Variants in VEZF1 observed in about 807,000 individuals in gnomAD.
VEZF1 encodes vascular endothelial zinc finger 1.
In VEZF1, 5 loss-of-function variants were observed where a neutral mutation model predicts 44.1. The ratio of observed to expected loss-of-function variants is 0.11; its 90% CI spans 0.06 to 0.24. The LOEUF (loss-of-function observed/expected upper bound fraction) is 0.24. Among genes scored for constraint, VEZF1 ranks in the 10% least tolerant of loss-of-function variants. The pLI is 1.00. For synonymous variants in VEZF1, 236 were observed against 233.1 expected, an observed-to-expected ratio of 1.01 and a Z score of -0.11; for missense variants, 358 against 641.8, an observed-to-expected ratio of 0.56 and a Z score of 4.78.
chr17:57,975,009 A>T, intron 5 of VEZF1, 109 bp from the exon 6 acceptor site: 1 of 1,266,762 alleles, frequency 7.9e-7, no homozygotes. Flanking sequence ...TTAATAAATC[A>T]AATTCCAGTT....
rs1163454021 is a variant in VEZF1 at position 57,974,350 on chromosome 17, ACT to A, written c.*121_*122del. 7.8e-6 allele frequency: 9 copies of A among 1,150,878 alleles called. No homozygotes were observed. In the African/African-American group the frequency reaches 1.3e-4, roughly 16 times the overall value. The allele number at this position is 1,150,878 out of a possible 1,614,324, so 71.3% of individuals were successfully genotyped here. On this transcript the variant is annotated 3_prime_UTR_variant, in exon 6 of 6. Transcript: ENST00000581208. ...CCAAATTGGAGAAAAATGCTACCACACTCTTATTAACTAATGTAATAAAATCT... is the reference window on the plus strand; with the variant it reads ...CCAAATTGGAGAAAAATGCTACCACACTTATTAACTAATGTAATAAAATCT...
chr17:57,974,822 G>C lies in VEZF1; in HGVS notation c.1217C>G (p.Ser406Cys), dbSNP rs1435369438. The change falls in exon 6 of 6, where the codon TCT becomes TGT. Residue 406 changes from serine (S) to cysteine (C), a missense_variant. Ser to Cys is a moderately radical substitution (Grantham distance 112). Coordinates refer to ENST00000581208, the MANE Select transcript of VEZF1 (RefSeq NM_007146.3). ...TLTTPFSITS[S>C]VSSGTMSNPV... ...GTTTGACATAGTCCCAGACGACACA[G>C]AGGATGTTATACTGAATGGAGTAGT... 1.9e-6 allele frequency: 3 copies of C among 1,614,218 alleles called. No individual in the cohort carries two copies. Among genetic ancestry groups the C allele is most frequent in the Admixed American group, 1.7e-5 (1 of 60,026 alleles).
In VEZF1 at chr17:57,979,386, C is replaced by T. The variant is rs974574397; in HGVS notation, c.977-73G>A. 8 of 1,586,106 alleles carry T rather than the reference C, an allele frequency of 5.0e-6. No homozygotes were observed. The African/African-American group carries it at 8.1e-5, about 16-fold the overall frequency. On this transcript the variant is annotated intron_variant, in intron 4 of 5. Coordinates refer to ENST00000581208, the MANE Select transcript of VEZF1 (RefSeq NM_007146.3). ...TGCCGTTTTTTTTCAAAATTGACTTCTCATGCTTCTGTGATCTTAACCATT... is the reference window on the plus strand; with the variant it reads ...TGCCGTTTTTTTTCAAAATTGACTTTTCATGCTTCTGTGATCTTAACCATT...
At position 57,972,507 on chromosome 17, in the gene VEZF1, A is replaced by G. The variant is rs1418199082; in HGVS notation, c.*1966T>C. ...CAGTAGTCCACACATAATGCTCTACATATTAAAAACAAACCATTTTTGTAC... is the reference window on the plus strand; with the variant it reads ...CAGTAGTCCACACATAATGCTCTACGTATTAAAAACAAACCATTTTTGTAC... On this transcript the variant is annotated 3_prime_UTR_variant, in exon 6 of 6. Transcript: ENST00000581208. 6.5e-6 allele frequency: 1 copy of G among 152,686 alleles called. No individual in the cohort carries two copies. The allele number at this position is 152,686 out of a possible 1,614,324, so 9.5% of individuals were successfully genotyped here.
In VEZF1 at chr17:57,974,579, T is replaced by C. The variant is rs759270276; in HGVS notation, c.1460A>G (p.Asn487Ser). The C allele has an allele frequency of 6.2e-7, 1 of 1,614,170 alleles. No individual in the cohort carries two copies. The highest frequency in any genetic ancestry group is 1.3e-5 in the African/African-American group (1 of 75,036). ...GGCTAATGTCATAGGTGTGGGTAGA[T>C]TCATTGGAGATGTGATGGTGACAGG... ...AHPVTITSPM[N>S]LPTPMTLAAP... The change falls in exon 6 of 6, where the codon AAT becomes AGT. Residue 487 changes from asparagine (N) to serine (S), a missense_variant. Around this residue, in one of 4 missense-constraint regions of VEZF1, gnomAD observed 171 missense variants for 272.4 expected, o/e 0.63. Transcript: ENST00000581208.
intron 1 of VEZF1, among the ~76,000 whole-genome samples, chr17:57,986,743 TC>T (rs566024624): frequency 7.7e-4 from 117 of 152,236 alleles, no homozygotes; most frequent in Non-Finnish European, 1.1e-3. Flanking sequence ...CTATATTAAC[TC>T]CACTAGGATG....
intron 1 of VEZF1, among the ~76,000 whole-genome samples, chr17:57,983,973 T>C (rs1226350112): frequency 6.6e-6 from 1 of 152,356 alleles, no homozygotes; most frequent in East Asian, 1.9e-4. Context: ...CACTTGACTC[T>C]ACTAAAAGGT....
chr17:57,982,237 T>C (rs1408230731), intron 2 of VEZF1, among the ~76,000 whole-genome samples: 1 of 152,230 alleles, frequency 6.6e-6, no homozygotes, highest in Non-Finnish European at 1.5e-5. Context: ...GCTACCACTA[T>C]ATTAACTCTA....
intron 1 of VEZF1, among the ~76,000 whole-genome samples, chr17:57,987,448 C>G (rs751213213): frequency 6.6e-6 from 1 of 152,162 alleles, no homozygotes; most frequent in Non-Finnish European, 1.5e-5. Context: ...TCACAACATC[C>G]GCCCCCCCAA....
Position 57,983,215 on chromosome 17 carries a change from T to C in VEZF1, c.212A>G (p.Lys71Arg), listed in dbSNP as rs1391420258. 2.5e-6 allele frequency: 4 copies of C among 1,613,826 alleles called. No homozygotes were observed. The highest frequency in any genetic ancestry group is 1.7e-6 in the Non-Finnish European group (2 of 1,179,964). ...GCAGTAAGTGCACACAAATGAAGTT[T>C]TGGGTTTTTCTTTTTTAATCCCAAT... is the stretch of plus-strand genomic sequence containing the variant. ...DAIGIKKEKP[K>R]TSFVCTYCSK... Residue 71 changes from lysine to arginine, a missense_variant, in exon 2 of 6, where the codon AAA becomes AGA. By Grantham distance (26) the Lys-to-Arg change is conservative. This residue lies in a region of VEZF1 where 117 missense variants were observed against 207.2 expected (regional missense o/e 0.56). Coordinates refer to ENST00000581208, the MANE Select transcript of VEZF1 (RefSeq NM_007146.3).
intron 2 of VEZF1, 62 bp from the exon 3 acceptor site, chr17:57,981,998 T>C (rs1285419222): frequency 1.9e-6 from 3 of 1,561,560 alleles, no homozygotes; most frequent in Non-Finnish European, 2.6e-6. Context: ...GCTACTTATG[T>C]GATGCTCACA....
At chr17:57,979,053 A>G (rs1386236852) in intron 5 of VEZF1, 99 bp downstream of exon 5, 13 of 1,446,792 alleles carry the variant, frequency 9.0e-6, no homozygotes, top group Admixed American at 2.2e-5. Flanking sequence ...CCATTAAGCT[A>G]GATTTCCTAA....
At chr17:57,979,653 T>G (rs1352672379) in intron 4 of VEZF1, among the ~76,000 whole-genome samples, 1 of 151,804 alleles carries the variant, frequency 6.6e-6, no homozygotes, top group Non-Finnish European at 1.5e-5. Flanking sequence ...ATCACAATAA[T>G]GTACACTAAA....
intron 2 of VEZF1, 90 bp from the exon 3 acceptor site, chr17:57,982,026 A>AG (rs1163016267): frequency 7.1e-7 from 1 of 1,408,814 alleles, no homozygotes; most frequent in African/African-American, 1.4e-5. Flanking sequence ...CAGATTGGGA[A>AG]GGGGTGCATT....
At chr17:57,980,492 C>CA in intron 4 of VEZF1, 111 bp downstream of exon 4, 3 of 1,039,974 alleles carry the variant, frequency 2.9e-6, no homozygotes, top group South Asian at 3.0e-5. Flanking sequence ...CACATGTTGG[C>CA]AATAGGAGGA....
chr17:57,986,660 C>A (rs1346782143), intron 1 of VEZF1, among the ~76,000 whole-genome samples: 1 of 152,080 alleles, frequency 6.6e-6, no homozygotes, highest in Non-Finnish European at 1.5e-5. Context: ...TCAAATTGCC[C>A]ACATTTGAAA....
At chr17:57,975,209 T>C (rs533593427) in intron 5 of VEZF1, among the ~76,000 whole-genome samples, 3 of 152,358 alleles carry the variant, frequency 2.0e-5, no homozygotes, top group Admixed American at 1.3e-4. Context: ...GAGGATCAGT[T>C]AACTTCTGCA....
intron 5 of VEZF1, among the ~76,000 whole-genome samples, chr17:57,976,585 G>T (rs994388352): frequency 6.6e-5 from 10 of 152,118 alleles, no homozygotes; most frequent in Non-Finnish European, 1.5e-4. Context: ...TTTAAAGGAC[G>T]TTATAGATTC....
chr17:57,987,860 C>T (rs2075314437), intron 1 of VEZF1, among the ~76,000 whole-genome samples: 1 of 151,732 alleles, frequency 6.6e-6, no homozygotes, highest in African/African-American at 2.4e-5. Flanking sequence ...CCCGGGTTCA[C>T]CCCGCGGCCT....
Sources: gnomAD v4.1 joint callset for allele counts (sites outside exome capture counted in the v4.1 genomes callset) on GRCh38, gnomAD v4.1.1 for gene constraint, gnomAD v4.1.1 regional missense constraint, MANE v1.5 for transcripts, NCBI Gene and HGNC (gene_info 2026-07-23, HGNC 2026-07-21) for gene names.